SLC4A10: variants seen among roughly 807,000 people sequenced by gnomAD.
SLC4A10 encodes sodium-driven chloride bicarbonate exchanger.
SLC4A10 carries 42 observed loss-of-function variants against 137.7 expected under a neutral mutation model. The ratio of observed to expected loss-of-function variants is 0.30; its 90% CI spans 0.24 to 0.39. The LOEUF (loss-of-function observed/expected upper bound fraction) is 0.39, where lower values mean the gene tolerates loss of function less well. SLC4A10 is among the 10% of genes least tolerant of loss of function. The probability of loss-of-function intolerance (pLI) is 1.00; values close to 1 mark genes in which losing one functional copy is unlikely to be tolerated. For synonymous variants in SLC4A10, 474 were observed against 464.1 expected (o/e 1.02, Z -0.27); for missense variants, 925 against 1,355.0 (o/e 0.68, Z 4.98).
At chr2:161,708,075 A>G (rs1213537938) in intron 1 of SLC4A10, among the ~76,000 whole-genome samples, 1 of 151,542 alleles carries the variant, frequency 6.6e-6, no homozygotes, top group Non-Finnish European at 1.5e-5. Context: ...GTATGTTGGT[A>G]TGAAGAATCT....
intron 6 of SLC4A10, among the ~76,000 whole-genome samples, chr2:161,869,670 A>C (rs537922701): frequency 6.6e-6 from 1 of 151,780 alleles, no homozygotes; most frequent in South Asian, 2.1e-4. Flanking sequence ...ATACACATTT[A>C]ATGTACATTG....
At chr2:161,700,132 G>A (rs2042974574) in intron 1 of SLC4A10, among the ~76,000 whole-genome samples, 1 of 152,154 alleles carries the variant, frequency 6.6e-6, no homozygotes, top group Non-Finnish European at 1.5e-5. Context: ...TTGGGTTTAG[G>A]TAGAGTAACT....
chr2:161,884,232 G>A (rs1311205205), intron 10 of SLC4A10, among the ~76,000 whole-genome samples: 1 of 151,948 alleles, frequency 6.6e-6, no homozygotes, highest in African/African-American at 2.4e-5. Context: ...TTATATTTCA[G>A]ACAAAAAATG....
intron 5 of SLC4A10, 150 bp downstream of exon 5, chr2:161,855,280 T>G: frequency 2.9e-6 from 2 of 694,438 alleles, no homozygotes; most frequent in Non-Finnish European, 4.2e-6. Flanking sequence ...TTTTACCCTG[T>G]TATTTGAGAT....
At chr2:161,671,081 C>T (rs1375551911) in intron 1 of SLC4A10, among the ~76,000 whole-genome samples, 2 of 152,086 alleles carry the variant, frequency 1.3e-5, no homozygotes, top group East Asian at 1.9e-4. Context: ...TCCCAAAATT[C>T]GTATGTTGAA....
At chr2:161,682,641 A>T (rs541264714) in intron 1 of SLC4A10, among the ~76,000 whole-genome samples, 31 of 151,262 alleles carry the variant, frequency 2.0e-4, no homozygotes, top group African/African-American at 7.0e-4. Context: ...GTTCATCTGT[A>T]TGGCTTTTGG....
intron 2 of SLC4A10, among the ~76,000 whole-genome samples, chr2:161,797,824 T>C (rs1208081406): frequency 1.3e-5 from 2 of 152,072 alleles, no homozygotes; most frequent in Non-Finnish European, 2.9e-5. Context: ...TGTGCCACAG[T>C]ACCTTCTAAA....
At chr2:161,665,967 T>C (rs1227461469) in intron 1 of SLC4A10, among the ~76,000 whole-genome samples, 6 of 148,788 alleles carry the variant, frequency 4.0e-5, no homozygotes, top group Non-Finnish European at 8.9e-5. Flanking sequence ...AAAGACTATA[T>C]TAATATAGTC....
intron 3 of SLC4A10, among the ~76,000 whole-genome samples, chr2:161,805,340 C>T (rs1345276193): frequency 1.3e-5 from 2 of 152,152 alleles, no homozygotes; most frequent in African/African-American, 2.4e-5. Flanking sequence ...CACCCTTGGG[C>T]CCTCCCAAAT....
chr2:161,680,098 G>A (rs533464290), intron 1 of SLC4A10, among the ~76,000 whole-genome samples: 11 of 151,928 alleles, frequency 7.2e-5, no homozygotes, highest in Non-Finnish European at 1.2e-4. Context: ...ATGAAGGTTC[G>A]CTTCATCTAG....
intron 1 of SLC4A10, among the ~76,000 whole-genome samples, chr2:161,719,760 G>A (rs2045411293): frequency 6.6e-6 from 1 of 151,238 alleles, no homozygotes; most frequent in Non-Finnish European, 1.5e-5. Context: ...TTTTTTTCTT[G>A]TAAATTTGAG....
At chr2:161,973,463 A>G (rs1044876641) in intron 23 of SLC4A10, among the ~76,000 whole-genome samples, 1 of 152,354 alleles carries the variant, frequency 6.6e-6, no homozygotes, top group Non-Finnish European at 1.5e-5. Flanking sequence ...GAAGAAATGC[A>G]TGTATAAATA....
chr2:161,835,998 G>C (rs907035551), intron 3 of SLC4A10, among the ~76,000 whole-genome samples: 22 of 152,198 alleles, frequency 1.4e-4, no homozygotes, highest in African/African-American at 5.1e-4. Flanking sequence ...AGACATGTAT[G>C]AGACAAAGTG....
chr2:161,956,483 T>C (rs1035516511), intron 19 of SLC4A10, among the ~76,000 whole-genome samples: 5 of 151,942 alleles, frequency 3.3e-5, no homozygotes, highest in Admixed American at 6.6e-5. Context: ...GAGGGAGTGC[T>C]CTTCCCCATC....
Position 161,978,597 on chromosome 2 carries a change from G to T in SLC4A10, c.*26+837G>T, listed in dbSNP as rs376858794. On this transcript the variant is annotated intron_variant, in intron 26 of 26. Transcript: ENST00000446997. ...TGCTGGTTTTTGTCACCCCAAAATG[G>T]CATGCTGCTTCAGTGTCATCTCTAT... 2.1e-4 allele frequency among the ~76,000 whole-genome samples: 32 copies of T among 152,100 alleles called. No homozygotes were observed. In the South Asian group the frequency reaches 6.2e-3, roughly 30 times the overall value.
At chr2:161,760,452 G>C (rs2050142837) in intron 1 of SLC4A10, among the ~76,000 whole-genome samples, 1 of 152,020 alleles carries the variant, frequency 6.6e-6, no homozygotes, top group Non-Finnish European at 1.5e-5. Flanking sequence ...GGGTTTGAGA[G>C]AAGTTTTCTT....
chr2:161,713,841 A>G (rs2044557912), intron 1 of SLC4A10, among the ~76,000 whole-genome samples: 1 of 151,876 alleles, frequency 6.6e-6, no homozygotes. Context: ...CACCAGAGGC[A>G]TTTTAGTATT....
intron 6 of SLC4A10, among the ~76,000 whole-genome samples, chr2:161,866,637 C>G (rs1330943212): frequency 2.0e-5 from 3 of 151,760 alleles, no homozygotes; most frequent in Non-Finnish European, 4.4e-5. Context: ...CATTAGTACC[C>G]TGAAAAGGGT....
At chr2:161,742,132 C>A (rs2047957230) in intron 1 of SLC4A10, among the ~76,000 whole-genome samples, 1 of 152,140 alleles carries the variant, frequency 6.6e-6, no homozygotes, top group African/African-American at 2.4e-5. Flanking sequence ...AAGTTCCATC[C>A]ATATTGCATC....
Sources: allele counts gnomAD v4.1 joint callset (sites outside exome capture counted in the v4.1 genomes callset), GRCh38; gene constraint gnomAD v4.1.1; transcripts MANE v1.5; gene names NCBI Gene and HGNC (gene_info 2026-07-23, HGNC 2026-07-21).